Variants in PRKG2 observed in about 807,000 individuals in gnomAD.
PRKG2 encodes cGMP-dependent protein kinase 2.
PRKG2 carries 33 observed loss-of-function variants against 97.2 expected under a neutral mutation model. The ratio of observed to expected loss-of-function variants is 0.34; its 90% CI spans 0.26 to 0.45. The LOEUF is 0.45. Among genes scored for constraint, PRKG2 ranks in the 20% least tolerant of loss-of-function variants. The pLI is 1.00. For missense variants in PRKG2, 638 were observed against 900.0 expected (o/e 0.71, Z 3.73); for synonymous variants, 330 against 321.8 (o/e 1.03, Z -0.27).
At chr4:81,125,233 T>C (rs971756264) in intron 14 of PRKG2, among the ~76,000 whole-genome samples, 9 of 152,238 alleles carry the variant, frequency 5.9e-5, no homozygotes, top group Non-Finnish European at 1.2e-4. Context: ...CATATTATAC[T>C]GATGTAGCTG....
At chr4:81,113,590 T>C (rs540654002) in intron 14 of PRKG2, among the ~76,000 whole-genome samples, 4 of 152,288 alleles carry the variant, frequency 2.6e-5, no homozygotes, top group South Asian at 2.1e-4. Context: ...AAAATTTGCA[T>C]TGTGGCTTGC....
At chr4:81,156,650 C>A (rs1749125406) in intron 6 of PRKG2, among the ~76,000 whole-genome samples, 1 of 152,200 alleles carries the variant, frequency 6.6e-6, no homozygotes, top group Non-Finnish European at 1.5e-5. Context: ...CCACGCCACA[C>A]CTACTCCAAA....
chr4:81,130,846 A>G (rs917035297), intron 14 of PRKG2, among the ~76,000 whole-genome samples: 4 of 152,152 alleles, frequency 2.6e-5, no homozygotes, highest in South Asian at 4.1e-4. Flanking sequence ...ACCAAGCTCG[A>G]GCATCCCAGG....
At chr4:81,180,581 C>T (rs2110095665) in intron 2 of PRKG2, among the ~76,000 whole-genome samples, 1 of 152,044 alleles carries the variant, frequency 6.6e-6, no homozygotes, top group Middle Eastern at 3.4e-3. Flanking sequence ...TCTAAATATT[C>T]CAAATATGTA....
chr4:81,109,735 T>C (rs1467074495), intron 15 of PRKG2, among the ~76,000 whole-genome samples: 1 of 152,238 alleles, frequency 6.6e-6, no homozygotes, highest in Non-Finnish European at 1.5e-5. Flanking sequence ...GTAAGTGCTT[T>C]GTAAAATGTA....
chr4:81,089,915 G>A, intron 18 of PRKG2, 112 bp from the exon 19 acceptor site: 1 of 828,178 alleles, frequency 1.2e-6, no homozygotes, highest in Non-Finnish European at 1.9e-6. Context: ...CAGCCACTTG[G>A]AAGTTACATA....
At chr4:81,127,423 T>C (rs954757395) in intron 14 of PRKG2, among the ~76,000 whole-genome samples, 2 of 152,132 alleles carry the variant, frequency 1.3e-5, no homozygotes, top group African/African-American at 4.8e-5. Context: ...GGTAGCTTGA[T>C]GGGGATAGCA....
chr4:81,182,740 T>C (rs28783134), intron 2 of PRKG2, among the ~76,000 whole-genome samples: 36,365 of 152,038 alleles, frequency 0.24, 8,458 homozygotes, highest in African/African-American at 0.59. Context: ...TTAATTGTAT[T>C]TCTATATTCT....
In PRKG2 at chr4:81,120,477, A is replaced by G. The variant is rs970922334; in HGVS notation, c.1777-9866T>C. Among the ~76,000 whole-genome samples the G allele has an allele frequency of 1.4e-4, 21 of 152,166 alleles. 1 individual carries two copies. Among genetic ancestry groups the G allele is most frequent in the Non-Finnish European group, 4.4e-5 (3 of 68,014 alleles). ...ATTTTAGTTTTTTTTCATTTCTTTC[A>G]TCAAAATTTTGTAGTTTTCCTCATA... is the stretch of plus-strand genomic sequence containing the variant. On this transcript the variant is annotated intron_variant, in intron 14 of 18. Transcript: ENST00000264399.
At chr4:81,134,374 A>T (rs2110025962) in intron 14 of PRKG2, among the ~76,000 whole-genome samples, 1 of 152,282 alleles carries the variant, frequency 6.6e-6, no homozygotes, top group East Asian at 1.9e-4. Flanking sequence ...GAAGTGAGAA[A>T]CTTTTAATAT....
chr4:81,189,768 A>G (rs570890824), intron 2 of PRKG2, among the ~76,000 whole-genome samples: 20 of 150,898 alleles, frequency 1.3e-4, no homozygotes, highest in East Asian at 4.1e-4. Context: ...TAATAAGAAT[A>G]ATAATAAAAA....
At chr4:81,124,913 TG>T (rs1260434715) in intron 14 of PRKG2, among the ~76,000 whole-genome samples, 1 of 152,206 alleles carries the variant, frequency 6.6e-6, no homozygotes, top group Non-Finnish European at 1.5e-5. Flanking sequence ...ACCTGATGAT[TG>T]GTGTCATTTT....
rs769485643 is a variant in PRKG2 at position 81,110,524 on chromosome 4, T to C, written c.1864A>G (p.Ile622Val). ...CTGAAGTCATGTCCCTTGTTGAGAATGACTTCAGGAGCTACATATTCTGGA... is the reference window on the plus strand; with the variant it reads ...CTGAAGTCATGTCCCTTGTTGAGAACGACTTCAGGAGCTACATATTCTGGA... ...GTPEYVAPEVILNKGHDFSVD... is the reference protein window; with the variant it reads ...GTPEYVAPEVVLNKGHDFSVD... Residue 622 changes from isoleucine to valine, a missense_variant, in exon 15 of 19, where the codon ATT (isoleucine) becomes GTT (valine). Physicochemically the swap from Ile to Val is conservative, Grantham distance 29. Transcript: ENST00000264399. 1 of 1,612,622 alleles carries C rather than the reference T, an allele frequency of 6.2e-7. No homozygotes were observed. The highest frequency in any genetic ancestry group is 1.1e-5 in the South Asian group (1 of 91,030).
At chr4:81,091,052 G>A (rs2868132) in intron 18 of PRKG2, among the ~76,000 whole-genome samples, 18,619 of 151,920 alleles carry the variant, frequency 0.12, 2,931 homozygotes, top group African/African-American at 0.34. Context: ...TCTAAAATTC[G>A]AAGGCATTTA....
At position 81,087,857 on chromosome 4, in the gene PRKG2, G is replaced by A. The variant is rs1015732015; in HGVS notation, c.*1851C>T. On this transcript the variant is annotated 3_prime_UTR_variant, in exon 19 of 19. Coordinates refer to ENST00000264399, the MANE Select transcript of PRKG2 (RefSeq NM_006259.3). Reference sequence around the variant, plus strand: ...AATAAACCTGTAGTACTCTAACTTGGTTATTTCTATATATGTAGGGTTTTA... The same window carrying A: ...AATAAACCTGTAGTACTCTAACTTGATTATTTCTATATATGTAGGGTTTTA... The A allele has an allele frequency of 6.6e-6, 1 of 152,036 alleles. No individual in the cohort carries two copies. The highest frequency in any genetic ancestry group is 2.4e-5 in the African/African-American group (1 of 41,418). 9.4% of individuals were successfully genotyped at this position (152,036 alleles called of 1,614,324 possible).
intron 2 of PRKG2, among the ~76,000 whole-genome samples, chr4:81,176,215 G>T (rs535472414): frequency 6.6e-6 from 1 of 151,956 alleles, no homozygotes; most frequent in Admixed American, 6.6e-5. Flanking sequence ...TTACTAAATC[G>T]TATCAATTTG....
chr4:81,155,177 C>CAAAAAAAAAAAAAAAA (rs57874087), intron 6 of PRKG2, among the ~76,000 whole-genome samples: 66 of 74,250 alleles, frequency 8.9e-4, no homozygotes, highest in Middle Eastern at 8.1e-3. Context: ...GACTCCGTCT[C>CAAAAAAAAAAAAAAAA]AAAAAAAAAA....
At chr4:81,171,882 C>T (rs1750512188) in intron 3 of PRKG2, 78 bp from the exon 4 acceptor site, 2 of 985,492 alleles carry the variant, frequency 2.0e-6, no homozygotes, top group Non-Finnish European at 3.0e-6. Context: ...TAAAATAAAA[C>T]AATCATAAAG....
intron 14 of PRKG2, among the ~76,000 whole-genome samples, chr4:81,130,287 A>T (rs151147145): frequency 6.6e-6 from 1 of 152,274 alleles, no homozygotes; most frequent in African/African-American, 2.4e-5. Context: ...GGTTCACTCC[A>T]GACCCCGTAT....
Sources: gnomAD v4.1 joint callset for allele counts (sites outside exome capture counted in the v4.1 genomes callset) on GRCh38, gnomAD v4.1.1 for gene constraint, MANE v1.5 for transcripts, NCBI Gene and HGNC (gene_info 2026-07-23, HGNC 2026-07-21) for gene names.